Variants in ATXN1 observed in about 807,000 individuals in gnomAD.
ATXN1 encodes ataxin 1.
In ATXN1, 8 loss-of-function variants were observed where a neutral mutation model predicts 56.4. The ratio of observed to expected loss-of-function variants is 0.14; its 90% CI spans 0.08 to 0.26. ATXN1 has a LOEUF of 0.26. Ranked by LOEUF, ATXN1 falls within the 10% of genes least tolerant of loss-of-function variation. The probability of loss-of-function intolerance (pLI) is 1.00; values close to 1 mark genes in which losing one functional copy is unlikely to be tolerated. For missense variants in ATXN1, 987 were observed against 1,106.5 expected, an observed-to-expected ratio of 0.89 and a Z score of 1.53; for synonymous variants, 514 against 494.6, an observed-to-expected ratio of 1.04 and a Z score of -0.52.
At chr6:16,585,393 G>A (rs1034871522) in intron 4 of ATXN1, among the ~76,000 whole-genome samples, 2 of 152,100 alleles carry the variant, frequency 1.3e-5, no homozygotes, top group African/African-American at 4.8e-5. Context: ...TATGAAAGAT[G>A]TTCAGAATTA....
At chr6:16,636,525 T>A (rs767709001) in intron 3 of ATXN1, among the ~76,000 whole-genome samples, 2 of 152,226 alleles carry the variant, frequency 1.3e-5, no homozygotes, top group Non-Finnish European at 2.9e-5. Flanking sequence ...GTGGTCACCC[T>A]GCTCTGCCTG....
At chr6:16,594,484 T>A (rs1355634611) in intron 3 of ATXN1, among the ~76,000 whole-genome samples, 6 of 151,058 alleles carry the variant, frequency 4.0e-5, no homozygotes, top group African/African-American at 1.5e-4. Flanking sequence ...TTTTTTTTTT[T>A]TTATTTATTT....
chr6:16,625,500 A>G (rs1763392036), intron 3 of ATXN1, among the ~76,000 whole-genome samples: 1 of 152,144 alleles, frequency 6.6e-6, no homozygotes, highest in African/African-American at 2.4e-5. Flanking sequence ...GAAGCTTACA[A>G]TCGCTTTGGA....
chr6:16,750,447 T>C (rs1760676010), intron 2 of ATXN1, among the ~76,000 whole-genome samples: 1 of 152,200 alleles, frequency 6.6e-6, no homozygotes, highest in Non-Finnish European at 1.5e-5. Context: ...ACTGAATGAA[T>C]ATAAAAGAGT....
At chr6:16,728,100 C>T (rs1419353055) in intron 2 of ATXN1, among the ~76,000 whole-genome samples, 1 of 152,196 alleles carries the variant, frequency 6.6e-6, no homozygotes, top group African/African-American at 2.4e-5. Flanking sequence ...AGAGAAAGGG[C>T]TGGAGAAGAG....
intron 5 of ATXN1, among the ~76,000 whole-genome samples, chr6:16,509,580 G>A (rs779942107): frequency 1.2e-4 from 18 of 152,096 alleles, no homozygotes; most frequent in East Asian, 7.7e-4. Flanking sequence ...TCTCTGTATC[G>A]CATCTAGTCT....
At chr6:16,709,587 C>A (rs538802044) in intron 2 of ATXN1, among the ~76,000 whole-genome samples, 23 of 152,176 alleles carry the variant, frequency 1.5e-4, no homozygotes, top group African/African-American at 5.5e-4. Flanking sequence ...AACCTTCACA[C>A]AAAGAGAACT....
intron 6 of ATXN1, among the ~76,000 whole-genome samples, chr6:16,365,827 C>T (rs1475799736): frequency 6.6e-6 from 1 of 152,194 alleles, no homozygotes; most frequent in Admixed American, 6.5e-5. Flanking sequence ...CTTCCTGCTG[C>T]TCTTCCACAT....
At chr6:16,613,093 G>A (rs1400455411) in intron 3 of ATXN1, among the ~76,000 whole-genome samples, 10 of 147,730 alleles carry the variant, frequency 6.8e-5, no homozygotes, top group South Asian at 2.1e-4. Context: ...GTGAAACCCC[G>A]TCTCTACTAA....
chr6:16,530,025 C>T (rs1176079080), intron 4 of ATXN1, among the ~76,000 whole-genome samples: 1 of 152,184 alleles, frequency 6.6e-6, no homozygotes, highest in East Asian at 1.9e-4. Flanking sequence ...CAAAGAGCAA[C>T]ATCTGAATTC....
At chr6:16,516,360 C>T (rs1470117031) in intron 5 of ATXN1, among the ~76,000 whole-genome samples, 2 of 152,130 alleles carry the variant, frequency 1.3e-5, no homozygotes, top group Admixed American at 6.5e-5. Context: ...AGGACTGGGA[C>T]GTTGGGAGTT....
At chr6:16,758,750 G>A (rs943858359) in intron 1 of ATXN1, among the ~76,000 whole-genome samples, 4 of 152,222 alleles carry the variant, frequency 2.6e-5, no homozygotes, top group Non-Finnish European at 2.9e-5. Context: ...ACCACTGACA[G>A]GCAGCCAGGA....
intron 3 of ATXN1, among the ~76,000 whole-genome samples, chr6:16,622,424 G>C (rs1340035964): frequency 1.3e-5 from 2 of 152,074 alleles, no homozygotes; most frequent in Non-Finnish European, 2.9e-5. Flanking sequence ...CAAGCAAAGA[G>C]TACAAGGGAT....
chr6:16,472,639 G>A (rs1760242114), intron 6 of ATXN1, among the ~76,000 whole-genome samples: 1 of 152,246 alleles, frequency 6.6e-6, no homozygotes, highest in East Asian at 1.9e-4. Context: ...CCACATAATT[G>A]TTTAACTAAG....
Position 16,299,366 on chromosome 6 carries a change from C to CAT in ATXN1, c.*6961_*6962dup, listed in dbSNP as rs1167143136. ...TTAGAAAATAGAATATGAATTCTTC[C>CAT]ATTTTTTAATATTTGTTTAAAAAAG... On this transcript the variant is annotated 3_prime_UTR_variant, in exon 8 of 8. Transcript: ENST00000436367. 2 of 152,514 alleles carry CAT rather than the reference C, an allele frequency of 1.3e-5. No individual in the cohort carries two copies. Among genetic ancestry groups the CAT allele is most frequent in the Admixed American group, 1.3e-4 (2 of 15,266 alleles). 9.4% of individuals were successfully genotyped at this position (152,514 alleles called of 1,614,324 possible). A position where few individuals can be genotyped will look rare whatever the true frequency, so the allele number is the denominator to read the frequency against.
intron 4 of ATXN1, among the ~76,000 whole-genome samples, chr6:16,534,450 C>G (rs1340435609): frequency 2.0e-5 from 3 of 150,692 alleles, no homozygotes; most frequent in African/African-American, 7.3e-5. Context: ...ACAGCTGAAG[C>G]CAGTGGTGTG....
At chr6:16,592,216 C>T (rs1398181718) in intron 3 of ATXN1, among the ~76,000 whole-genome samples, 3 of 152,144 alleles carry the variant, frequency 2.0e-5, no homozygotes, top group Non-Finnish European at 1.5e-5. Flanking sequence ...ATGATGAATC[C>T]GAGCAGCAGA....
chr6:16,753,796 G>A (rs1248160459), intron 1 of ATXN1, among the ~76,000 whole-genome samples: 1 of 152,138 alleles, frequency 6.6e-6, no homozygotes, highest in Non-Finnish European at 1.5e-5. Flanking sequence ...TGATGAAAGT[G>A]CACAGCTATT....
At chr6:16,399,550 T>C (rs1758524809) in intron 6 of ATXN1, among the ~76,000 whole-genome samples, 1 of 152,152 alleles carries the variant, frequency 6.6e-6, no homozygotes, top group South Asian at 2.1e-4. Flanking sequence ...TTCTGCCTCA[T>C]GGTTCTAGAA....
Sources: gnomAD v4.1 joint callset for allele counts (sites outside exome capture counted in the v4.1 genomes callset) on GRCh38, gnomAD v4.1.1 for gene constraint, MANE v1.5 for transcripts, NCBI Gene and HGNC (gene_info 2026-07-23, HGNC 2026-07-21) for gene names.